Variants in DNAH7 observed in about 807,000 individuals in gnomAD.
The protein encoded by DNAH7 is dynein axonemal heavy chain 7.
Under a neutral mutation model 444.6 loss-of-function variants are expected in DNAH7, and 397 were observed. The ratio of observed to expected loss-of-function variants is 0.89; its 90% CI spans 0.82 to 0.97. The LOEUF (loss-of-function observed/expected upper bound fraction) is 0.97, where lower values mean the gene tolerates loss of function less well. Ranked by LOEUF, DNAH7 falls within the 50% of genes least tolerant of loss-of-function variation. The pLI, the probability that DNAH7 is intolerant of heterozygous loss-of-function variation, is 0.00. For missense variants in DNAH7, 4,902 were observed against 4,800.8 expected (o/e 1.02, Z -0.62); for synonymous variants, 1,636 against 1,624.4 (o/e 1.01, Z -0.17).
chr2:195,852,280 A>G (rs1699420526), intron 46 of DNAH7, among the ~76,000 whole-genome samples: 1 of 151,996 alleles, frequency 6.6e-6, no homozygotes, highest in African/African-American at 2.4e-5. Flanking sequence ...ACAAACAAAA[A>G]AAGAAAAACA....
intron 61 of DNAH7, among the ~76,000 whole-genome samples, chr2:195,758,025 T>G (rs968685660): frequency 6.6e-6 from 1 of 152,250 alleles, no homozygotes; most frequent in Admixed American, 6.5e-5. Context: ...GCATGAATAC[T>G]GGATGCTGAG....
chr2:195,769,525 C>A (rs766243008), intron 61 of DNAH7, among the ~76,000 whole-genome samples: 1 of 152,124 alleles, frequency 6.6e-6, no homozygotes, highest in Non-Finnish European at 1.5e-5. Flanking sequence ...ATTCACATAG[C>A]ATTATTGCCT....
chr2:195,888,106 G>A, intron 33 of DNAH7, 152 bp downstream of exon 33: 2 of 642,282 alleles, frequency 3.1e-6, no homozygotes, highest in Non-Finnish European at 5.0e-6. Context: ...TTAGTGAACT[G>A]CATGAATTCT....
At chr2:195,984,021 CTCAA>C (rs1416545642) in intron 15 of DNAH7, among the ~76,000 whole-genome samples, 2 of 152,284 alleles carry the variant, frequency 1.3e-5, no homozygotes, top group African/African-American at 4.8e-5. Context: ...GTAGGGTCCT[CTCAA>C]TCAGACTTGT....
At chr2:195,865,875 CCTCT>C (rs932233465) in intron 40 of DNAH7, among the ~76,000 whole-genome samples, 1 of 151,638 alleles carries the variant, frequency 6.6e-6, no homozygotes, top group Non-Finnish European at 1.5e-5. Context: ...GCGCTCTCTC[CCTCT>C]CTCTCTCTGG....
At position 195,858,638 on chromosome 2, in the gene DNAH7, CA is replaced by C; in HGVS notation, c.7902del (p.Val2635Ter). ...DEMMIMIEKE[S>X]VEVAKTEKIV... ...ATTTTTTCAGTTTTGGCAACTTCTA[CA>C]GACTCTTTCTCAATCATTATCATCA... On this transcript the variant is annotated frameshift_variant, in exon 43 of 65. Coordinates refer to ENST00000312428, the MANE Select transcript of DNAH7 (RefSeq NM_018897.3). LOFTEE classifies it high-confidence loss of function. 6.2e-7 allele frequency: 1 copy of C among 1,614,076 alleles called. No individual in the cohort carries two copies. Among genetic ancestry groups the C allele is most frequent in the South Asian group, 1.1e-5 (1 of 91,084 alleles).
intron 37 of DNAH7, 37 bp downstream of exon 37, chr2:195,876,507 T>C (rs1312049139): frequency 6.3e-7 from 1 of 1,592,432 alleles, no homozygotes; most frequent in Non-Finnish European, 8.5e-7. Context: ...CAGCAATGTA[T>C]ATGAATAGGC....
intron 3 of DNAH7, among the ~76,000 whole-genome samples, chr2:196,050,517 T>C (rs936662522): frequency 6.6e-6 from 1 of 152,210 alleles, no homozygotes; most frequent in African/African-American, 2.4e-5. Context: ...TTTATCAATT[T>C]TTTTAAAAAA....
At chr2:195,988,995 A>G (rs1693113818) in intron 12 of DNAH7, among the ~76,000 whole-genome samples, 1 of 152,204 alleles carries the variant, frequency 6.6e-6, no homozygotes, top group African/African-American at 2.4e-5. Context: ...GGTTATCCAT[A>G]TAATTGCAAA....
chr2:196,020,683 T>A (rs1695327433), intron 8 of DNAH7, among the ~76,000 whole-genome samples: 1 of 150,760 alleles, frequency 6.6e-6, no homozygotes, highest in Admixed American at 6.7e-5. Context: ...CGATCTCAGC[T>A]CACTGCAGCC....
chr2:195,839,638 G>A (rs1698564552), intron 47 of DNAH7, among the ~76,000 whole-genome samples: 1 of 151,624 alleles, frequency 6.6e-6, no homozygotes, highest in Non-Finnish European at 1.5e-5. Context: ...CAAGAAAATA[G>A]AAAGAATACA....
chr2:195,822,349 G>C (rs1307589432), intron 49 of DNAH7, among the ~76,000 whole-genome samples: 1 of 151,962 alleles, frequency 6.6e-6, no homozygotes, highest in African/African-American at 2.4e-5. Flanking sequence ...ATTAATGTTG[G>C]GTCCTTTCAC....
chr2:195,870,995 C>G (rs961761627), intron 40 of DNAH7, among the ~76,000 whole-genome samples: 11 of 152,146 alleles, frequency 7.2e-5, no homozygotes, highest in African/African-American at 2.7e-4. Context: ...CAAACACAAG[C>G]CTGCATCCGT....
intron 46 of DNAH7, among the ~76,000 whole-genome samples, chr2:195,847,501 G>A (rs1413853007): frequency 1.3e-5 from 2 of 151,582 alleles, no homozygotes; most frequent in African/African-American, 2.4e-5. Flanking sequence ...GAGGGTGGAG[G>A]GTGGGAGGAG....
At chr2:195,997,535 T>G (rs1693773167) in intron 12 of DNAH7, among the ~76,000 whole-genome samples, 1 of 152,176 alleles carries the variant, frequency 6.6e-6, no homozygotes, top group East Asian at 1.9e-4. Context: ...ATGAATTTAA[T>G]CATCTCCTAA....
chr2:196,067,706 A>G (rs1023112475), intron 1 of DNAH7, among the ~76,000 whole-genome samples: 2 of 152,208 alleles, frequency 1.3e-5, no homozygotes, highest in Non-Finnish European at 2.9e-5. Context: ...AATCCGTTTT[A>G]ATACTGTTTC....
chr2:195,780,887 C>A (rs758520256), intron 58 of DNAH7, among the ~76,000 whole-genome samples: 1 of 151,976 alleles, frequency 6.6e-6, no homozygotes, highest in Non-Finnish European at 1.5e-5. Context: ...GTGCATAGAT[C>A]TGACATTCTA....
At chr2:195,922,931 G>A (rs992481568) in intron 23 of DNAH7, among the ~76,000 whole-genome samples, 33 of 151,660 alleles carry the variant, frequency 2.2e-4, no homozygotes, top group African/African-American at 7.0e-4. Flanking sequence ...GCGCAATCTC[G>A]GCTCACTGCA....
chr2:195,924,143 A>C (rs770161598), intron 22 of DNAH7, among the ~76,000 whole-genome samples: 6 of 152,154 alleles, frequency 3.9e-5, no homozygotes, highest in African/African-American at 1.4e-4. Flanking sequence ...ACCAGAGCCA[A>C]TCACAGTTCT....
Sources: allele counts gnomAD v4.1 joint callset (sites outside exome capture counted in the v4.1 genomes callset), GRCh38; gene constraint gnomAD v4.1.1; transcripts MANE v1.5; gene names NCBI Gene and HGNC (gene_info 2026-07-23, HGNC 2026-07-21).